NDUFAF6: variants seen among roughly 807,000 people sequenced by gnomAD.
NDUFAF6 encodes the protein NADH dehydrogenase (ubiquinone) complex I, assembly factor 6.
Under a neutral mutation model 40.8 loss-of-function variants are expected in NDUFAF6, and 45 were observed. That is an observed-to-expected ratio of 1.10 (90% CI 0.87 to 1.42). The LOEUF is 1.42. Among genes scored for constraint, NDUFAF6 ranks in the 40% most tolerant of loss-of-function variants. NDUFAF6 has a pLI of 0.00. For missense variants in NDUFAF6, 435 were observed against 418.5 expected (o/e 1.04, Z -0.34); for synonymous variants, 185 against 155.9 (o/e 1.19, Z -1.39).
At chr8:94,965,327 T>C (rs1823926152) in intron 1 of NDUFAF6, among the ~76,000 whole-genome samples, 1 of 152,048 alleles carries the variant, frequency 6.6e-6, no homozygotes, top group Non-Finnish European at 1.5e-5. Context: ...GTCTGGAGAA[T>C]GGTGAGTCCC....
At chr8:94,913,773 T>G (rs1818939582) in intron 1 of NDUFAF6, among the ~76,000 whole-genome samples, 1 of 152,226 alleles carries the variant, frequency 6.6e-6, no homozygotes, top group East Asian at 1.9e-4. Flanking sequence ...CACTCCAGTC[T>G]TGGTGACAGA....
At chr8:95,072,808 G>A (rs1469956991) in intron 9 of NDUFAF6, 1 of 154,724 alleles carries the variant, frequency 6.5e-6, no homozygotes, top group Non-Finnish European at 1.5e-5. Flanking sequence ...ATCATTGAAG[G>A]AGCAGCACAA....
rs527373901 is a variant in NDUFAF6 at position 94,986,568 on chromosome 8, C to T, written c.-84+5595C>T. Among the ~76,000 whole-genome samples the T allele has an allele frequency of 6.6e-5, 10 of 152,248 alleles. No homozygotes were observed. In the East Asian group the frequency reaches 1.7e-3, roughly 26 times the overall value. The stretch of plus-strand genomic sequence containing the variant: ...CTGAACTGTCAATTTCCATAAATAG[C>T]TTAATATAGTGAAAAATTGAGAGGT... On this transcript the variant is annotated intron_variant, in intron 2 of 9. Transcript: ENST00000396111.
Position 94,904,783 on chromosome 8 carries a change from C to G in NDUFAF6, c.-936+8856C>G, listed in dbSNP as rs149155885. Reference sequence around the variant, plus strand: ...TTTTTCATGCCCTCCCATGGTTTGTCACCTTCTGCTTCCTGACCACCCCTT... The same window carrying G: ...TTTTTCATGCCCTCCCATGGTTTGTGACCTTCTGCTTCCTGACCACCCCTT... On this transcript the variant is annotated intron_variant, in intron 1 of 14. Transcript: ENST00000396113. Among the ~76,000 whole-genome samples, 662 of 152,164 alleles carry G rather than the reference C, an allele frequency of 4.4e-3. 7 individuals carry two copies. The highest frequency in any genetic ancestry group is 0.015 in the African/African-American group (629 of 41,540).
intron 1 of NDUFAF6, among the ~76,000 whole-genome samples, chr8:94,965,167 A>G (rs2131501792): frequency 6.6e-6 from 1 of 152,358 alleles, no homozygotes; most frequent in Non-Finnish European, 1.5e-5. Context: ...TGGGGACAGA[A>G]AAAAGGGGAA....
intron 2 of NDUFAF6, among the ~76,000 whole-genome samples, chr8:94,995,669 C>T (rs1186800245): frequency 1.3e-5 from 2 of 152,212 alleles, no homozygotes; most frequent in Non-Finnish European, 1.5e-5. Context: ...AGGGCAGTGA[C>T]TTGCTCAGTA....
chr8:95,049,076 G>T (rs528947338), intron 7 of NDUFAF6, among the ~76,000 whole-genome samples: 47 of 152,226 alleles, frequency 3.1e-4, no homozygotes, highest in African/African-American at 1.1e-3. Flanking sequence ...GTTACCTCGG[G>T]CCCTTTCCAC....
chr8:95,036,345 C>G (rs1207701286), intron 3 of NDUFAF6: 1 of 1,288,984 alleles, frequency 7.8e-7, no homozygotes, highest in South Asian at 1.2e-5. Context: ...CACCCACAGA[C>G]CTGACAGTGG....
chr8:94,900,649 G>A (rs1156756484), intron 1 of NDUFAF6, among the ~76,000 whole-genome samples: 3 of 152,228 alleles, frequency 2.0e-5, no homozygotes, highest in Non-Finnish European at 4.4e-5. Context: ...AGGGCACAGA[G>A]TGCTCTGGGC....
downstream of NDUFAF6, among the ~76,000 whole-genome samples, chr8:95,107,352 A>G (rs1421898768): frequency 1.3e-5 from 2 of 152,200 alleles, no homozygotes; most frequent in Non-Finnish European, 2.9e-5. Flanking sequence ...GCTGAAAACC[A>G]TCATTCTCAG....
intron 2 of NDUFAF6, among the ~76,000 whole-genome samples, chr8:95,091,988 C>T (rs1345692108): frequency 3.3e-5 from 5 of 151,468 alleles, no homozygotes; most frequent in African/African-American, 1.2e-4. Flanking sequence ...GATAAACTGC[C>T]TAAGTGCATG....
At chr8:95,061,103 G>A (rs550513410), downstream of NDUFAF6, among the ~76,000 whole-genome samples, 4 of 152,220 alleles carry the variant, frequency 2.6e-5, no homozygotes, top group Admixed American at 2.6e-4. Flanking sequence ...TGTGTACAAA[G>A]GCCAGGAAAC....
intron 1 of NDUFAF6, among the ~76,000 whole-genome samples, chr8:94,924,319 C>CA (rs1473488687): frequency 6.6e-6 from 1 of 152,070 alleles, no homozygotes; most frequent in African/African-American, 2.4e-5. Flanking sequence ...CTCGGCCTCC[C>CA]AAAATGCTGG....
At chr8:95,059,984 T>C (rs1160626283), downstream of NDUFAF6, among the ~76,000 whole-genome samples, 2 of 130,094 alleles carry the variant, frequency 1.5e-5, no homozygotes, top group Non-Finnish European at 3.5e-5. Context: ...CAAGTTAAAT[T>C]TGGCAGCAAT....
intron 2 of NDUFAF6, among the ~76,000 whole-genome samples, chr8:94,986,066 G>C (rs953787425): frequency 4.6e-5 from 7 of 151,812 alleles, no homozygotes; most frequent in Non-Finnish European, 8.8e-5. Flanking sequence ...GTAGAGATGG[G>C]GTTTCACCGT....
chr8:95,059,138 ACT>A (rs1349750037), downstream of NDUFAF6, among the ~76,000 whole-genome samples: 1 of 152,084 alleles, frequency 6.6e-6, no homozygotes, highest in Non-Finnish European at 1.5e-5. Flanking sequence ...GGTCGATCTG[ACT>A]CTAAATGAAT....
intron 1 of NDUFAF6, chr8:94,928,420 C>G (rs1034770897): frequency 6.6e-6 from 1 of 152,328 alleles, no homozygotes; most frequent in Admixed American, 6.5e-5. Flanking sequence ...TTCAAGTTAC[C>G]AATGCATGGC....
At chr8:94,943,288 A>C (rs1332616083) in intron 1 of NDUFAF6, among the ~76,000 whole-genome samples, 1 of 152,176 alleles carries the variant, frequency 6.6e-6, no homozygotes, top group East Asian at 1.9e-4. Flanking sequence ...TAGGAGTTGG[A>C]GACCAGCCTA....
downstream of NDUFAF6, among the ~76,000 whole-genome samples, chr8:95,118,245 G>A (rs1270737151): frequency 5.9e-5 from 9 of 152,164 alleles, no homozygotes; most frequent in Non-Finnish European, 1.0e-4. Flanking sequence ...AGACCAAGAT[G>A]GGATTCAAAA....
Sources: gnomAD v4.1 joint callset for allele counts (sites outside exome capture counted in the v4.1 genomes callset) on GRCh38, gnomAD v4.1.1 for gene constraint, MANE v1.5 for transcripts, NCBI Gene and HGNC (gene_info 2026-07-23, HGNC 2026-07-21) for gene names.